Variants in SGCD observed in about 807,000 individuals in gnomAD.
SGCD encodes the protein delta-sarcoglycan.
A neutral mutation model predicts 36.6 loss-of-function variants in SGCD; 18 were observed. The ratio of observed to expected loss-of-function variants is 0.49; its 90% CI spans 0.34 to 0.73. The LOEUF is 0.73. SGCD is among the 30% of genes least tolerant of loss of function. The probability of loss-of-function intolerance (pLI) is 0.01; values close to 1 mark genes in which losing one functional copy is unlikely to be tolerated. For synonymous variants in SGCD, 133 were observed against 130.6 expected (o/e 1.02, Z -0.12); for missense variants, 387 against 346.7 (o/e 1.12, Z -0.92).
chr5:156,618,672 G>A (rs1757328416), intron 6 of SGCD, among the ~76,000 whole-genome samples: 1 of 151,298 alleles, frequency 6.6e-6, no homozygotes, highest in Non-Finnish European at 1.5e-5. Flanking sequence ...ACCCACTGAT[G>A]TCTGTAGGCA....
chr5:156,167,391 A>G (rs1476170784), intron 3 of SGCD, among the ~76,000 whole-genome samples: 1 of 152,030 alleles, frequency 6.6e-6, no homozygotes, highest in Non-Finnish European at 1.5e-5. Flanking sequence ...TCCCCAGTGT[A>G]TCTCCTAGTA....
intron 3 of SGCD, among the ~76,000 whole-genome samples, chr5:156,396,759 C>A (rs1771874132): frequency 6.6e-6 from 1 of 152,180 alleles, no homozygotes; most frequent in Admixed American, 6.5e-5. Context: ...TAGTATATGG[C>A]AGGCCTGCTA....
intron 3 of SGCD, among the ~76,000 whole-genome samples, chr5:156,477,547 C>T (rs1320557709): frequency 6.6e-6 from 1 of 152,120 alleles, no homozygotes; most frequent in Admixed American, 6.5e-5. Context: ...TAGCAGTGTT[C>T]TCTGCACTTG....
intron 1 of SGCD, among the ~76,000 whole-genome samples, chr5:156,014,246 C>T (rs964565181): frequency 6.6e-5 from 10 of 151,994 alleles, no homozygotes; most frequent in Non-Finnish European, 2.9e-5. Context: ...ATTCAGTTTC[C>T]TTGGCAATCA....
intron 3 of SGCD, among the ~76,000 whole-genome samples, chr5:156,481,779 G>A (rs373287576): frequency 6.6e-6 from 1 of 152,314 alleles, no homozygotes; most frequent in East Asian, 1.9e-4. Context: ...AGGTCAAGGA[G>A]CACACCTGGA....
At chr5:156,605,747 T>G (rs528383365) in intron 6 of SGCD, among the ~76,000 whole-genome samples, 64 of 152,306 alleles carry the variant, frequency 4.2e-4, no homozygotes, top group Non-Finnish European at 6.5e-4. Flanking sequence ...CATTCTAACT[T>G]GTGTGAGAGG....
intron 1 of SGCD, among the ~76,000 whole-genome samples, chr5:155,874,323 T>C (rs1471562451): frequency 6.6e-6 from 1 of 152,050 alleles, no homozygotes; most frequent in Non-Finnish European, 1.5e-5. Context: ...ACAAATGGAT[T>C]TCTAGAAACT....
At chr5:155,968,666 C>T (rs929086367) in intron 1 of SGCD, among the ~76,000 whole-genome samples, 4 of 152,040 alleles carry the variant, frequency 2.6e-5, no homozygotes, top group African/African-American at 7.2e-5. Context: ...TGGTTTCAGG[C>T]ATCTACTGGG....
chr5:156,432,103 G>C (rs1181223726), intron 3 of SGCD, among the ~76,000 whole-genome samples: 1 of 152,162 alleles, frequency 6.6e-6, no homozygotes, highest in African/African-American at 2.4e-5. Context: ...ATCTACAAAG[G>C]GTCCAATGAT....
intron 4 of SGCD, among the ~76,000 whole-genome samples, chr5:156,585,263 T>TC (rs1391150068): frequency 1.3e-5 from 2 of 152,062 alleles, no homozygotes; most frequent in Non-Finnish European, 2.9e-5. Flanking sequence ...AAAAAGAGAC[T>TC]CCAAGAAAAT....
At chr5:155,876,029 C>T (rs1251549062) in intron 1 of SGCD, among the ~76,000 whole-genome samples, 1 of 150,318 alleles carries the variant, frequency 6.7e-6, no homozygotes, top group African/African-American at 2.4e-5. Flanking sequence ...TTTTCTTGGT[C>T]CTCTTGTTTT....
intron 6 of SGCD, among the ~76,000 whole-genome samples, chr5:156,609,112 A>C (rs11957592): frequency 1.3e-5 from 2 of 151,308 alleles, no homozygotes; most frequent in South Asian, 2.1e-4. Context: ...TATTTTGCTC[A>C]TTAGTTGATG....
At chr5:156,480,423 C>G (rs932626426) in intron 3 of SGCD, among the ~76,000 whole-genome samples, 5 of 152,188 alleles carry the variant, frequency 3.3e-5, no homozygotes, top group Non-Finnish European at 7.3e-5. Flanking sequence ...TATGATAGAG[C>G]TTGTCTTTCC....
intron 1 of SGCD, among the ~76,000 whole-genome samples, chr5:156,085,005 T>A (rs1761059114): frequency 6.6e-6 from 1 of 152,232 alleles, no homozygotes; most frequent in Non-Finnish European, 1.5e-5. Context: ...AATTTTTGAA[T>A]GTTGAACCTA....
intron 1 of SGCD, among the ~76,000 whole-genome samples, chr5:156,085,978 A>G (rs1292257361): frequency 6.6e-6 from 1 of 152,226 alleles, no homozygotes; most frequent in Non-Finnish European, 1.5e-5. Context: ...TTCCTACAAG[A>G]TACTTGAACG....
intron 3 of SGCD, among the ~76,000 whole-genome samples, chr5:156,238,546 G>A (rs1765224772): frequency 6.6e-6 from 1 of 152,220 alleles, no homozygotes; most frequent in African/African-American, 2.4e-5. Flanking sequence ...GACTTTATGT[G>A]ATATAGTCCC....
At chr5:156,432,972 A>T (rs1047137683) in intron 3 of SGCD, among the ~76,000 whole-genome samples, 4 of 152,152 alleles carry the variant, frequency 2.6e-5, no homozygotes, top group Non-Finnish European at 5.9e-5. Context: ...CTGCATGTGT[A>T]TCTGCAGCAC....
intron 1 of SGCD, among the ~76,000 whole-genome samples, chr5:155,915,048 A>G (rs1756707869): frequency 6.6e-6 from 1 of 152,190 alleles, no homozygotes; most frequent in Admixed American, 6.6e-5. Context: ...TGGTGTAAAC[A>G]TTCAGGAGAA....
rs146573224 is a variant in SGCD, at chr5:156,045,517, T to C, written c.-281-72361T>C. ...GGACCACACAGGCATCTGATTGTTA[T>C]GGACCTATATAATTCAGCCTGGCTG... On this transcript the variant is annotated intron_variant, in intron 1 of 9. Transcript: ENST00000517913. 8.1e-3 allele frequency among the ~76,000 whole-genome samples: 1,237 copies of C among 152,274 alleles called. 12 individuals carry two copies. Among genetic ancestry groups the C allele is most frequent in the Non-Finnish European group, 0.011 (755 of 68,002 alleles).
Sources: allele counts gnomAD v4.1 joint callset (sites outside exome capture counted in the v4.1 genomes callset), GRCh38; gene constraint gnomAD v4.1.1; transcripts MANE v1.5; gene names NCBI Gene and HGNC (gene_info 2026-07-23, HGNC 2026-07-21).